The following SORCS1 variants were observed in gnomAD, a reference collection of about 807,000 sequenced individuals.
SORCS1 encodes sortilin related VPS10 domain containing receptor 1.
A neutral mutation model predicts 146.1 loss-of-function variants in SORCS1; 60 were observed. That is an observed-to-expected ratio of 0.41 (90% CI 0.33 to 0.51). The LOEUF is 0.51. SORCS1 is among the 20% of genes least tolerant of loss of function. The probability of loss-of-function intolerance (pLI) is 0.21; values close to 1 mark genes in which losing one functional copy is unlikely to be tolerated. For synonymous variants in SORCS1, 637 were observed against 584.0 expected, an observed-to-expected ratio of 1.09 and a Z score of -1.31; for missense variants, 1,352 against 1,487.6, an observed-to-expected ratio of 0.91 and a Z score of 1.50.
intron 1 of SORCS1, among the ~76,000 whole-genome samples, chr10:107,034,215 G>A (rs1332873140): frequency 6.6e-6 from 1 of 152,104 alleles, no homozygotes; most frequent in Non-Finnish European, 1.5e-5. Context: ...ACAAATGGTG[G>A]GGAGGGGTAG....
chr10:106,769,497 AAAAAG>A (rs1859839394), intron 4 of SORCS1, among the ~76,000 whole-genome samples: 1 of 151,890 alleles, frequency 6.6e-6, no homozygotes, highest in Non-Finnish European at 1.5e-5. Context: ...AAAAAAAAAA[AAAAAG>A]AAAGAAAGAA....
rs530959356 is a variant in SORCS1 at position 106,806,608 on chromosome 10, C to T, written c.726+22966G>A. On this transcript the variant is annotated intron_variant, in intron 3 of 25. Transcript: ENST00000263054. ...TCCGGTCACTGCAAGCTCTGCCTCC[C>T]GGGTTCACGCCATTCTCCTGCCTCA... Among the ~76,000 whole-genome samples, 171 of 146,598 alleles carry T rather than the reference C, an allele frequency of 1.2e-3. 1 individual carries two copies. Among genetic ancestry groups the T allele is most frequent in the African/African-American group, 4.0e-3 (160 of 39,720 alleles).
At chr10:106,715,416 T>C (rs1855293811) in intron 6 of SORCS1, among the ~76,000 whole-genome samples, 1 of 152,208 alleles carries the variant, frequency 6.6e-6, no homozygotes, top group African/African-American at 2.4e-5. Flanking sequence ...AAACCTGTGC[T>C]GTTCTAGAGA....
chr10:106,616,952 CTTTTT>C, intron 21 of SORCS1, among the ~76,000 whole-genome samples: 1 of 490 alleles, frequency 2.0e-3, no homozygotes, highest in South Asian at 0.083. Context: ...CTTGCTCTTT[CTTTTT>C]TTTTTTTTTC....
At chr10:107,119,956 G>T (rs960165418) in intron 1 of SORCS1, among the ~76,000 whole-genome samples, 2 of 152,004 alleles carry the variant, frequency 1.3e-5, no homozygotes, top group African/African-American at 4.8e-5. Flanking sequence ...CCACAAATCT[G>T]CCCTCACTTA....
At chr10:107,109,096 G>A (rs181591907) in intron 1 of SORCS1, among the ~76,000 whole-genome samples, 1 of 152,338 alleles carries the variant, frequency 6.6e-6, no homozygotes, top group East Asian at 1.9e-4. Flanking sequence ...CTCACAGTGT[G>A]TTGAGTGCCT....
At chr10:106,713,221 T>C (rs1226662711) in intron 6 of SORCS1, among the ~76,000 whole-genome samples, 2 of 152,224 alleles carry the variant, frequency 1.3e-5, no homozygotes, top group Admixed American at 1.3e-4. Context: ...GAGCTGTTGA[T>C]GGTACTGAGC....
intron 24 of SORCS1, among the ~76,000 whole-genome samples, chr10:106,593,385 C>T (rs957198849): frequency 3.9e-5 from 6 of 152,092 alleles, no homozygotes; most frequent in Non-Finnish European, 5.9e-5. Flanking sequence ...TTGCTGTTCC[C>T]GTTGACACGT....
chr10:106,655,992 T>C (rs1850254733), intron 17 of SORCS1, among the ~76,000 whole-genome samples: 1 of 152,222 alleles, frequency 6.6e-6, no homozygotes, highest in Non-Finnish European at 1.5e-5. Flanking sequence ...TGCATTTAGT[T>C]GGTAAAGCAT....
intron 1 of SORCS1, among the ~76,000 whole-genome samples, chr10:107,059,483 C>A (rs1380423188): frequency 6.6e-6 from 1 of 152,178 alleles, no homozygotes; most frequent in East Asian, 1.9e-4. Context: ...AGGCTCTATG[C>A]TGCCTGGTAA....
chr10:107,176,337 T>C, the SORCS1 span, among the ~76,000 whole-genome samples: 1 of 100,172 alleles, frequency 1.0e-5, no homozygotes, highest in African/African-American at 3.6e-5. Context: ...CTCTTTCTTT[T>C]TTTCTTTTTT....
intron 1 of SORCS1, among the ~76,000 whole-genome samples, chr10:107,127,914 T>A (rs773903082): frequency 6.6e-6 from 1 of 152,226 alleles, no homozygotes; most frequent in Admixed American, 6.5e-5. Context: ...CTTTGGCCAG[T>A]AATGTATCAT....
Position 106,833,609 on chromosome 10 carries a change from C to G in SORCS1, c.627-3936G>C, listed in dbSNP as rs553391105. On this transcript the variant is annotated intron_variant, in intron 2 of 25. Transcript: ENST00000263054. ...CCTCTCAAGTTTCCTCACAGTCTAGCAATCAAAAGATTGAGGCCTGGCACA... is the reference window on the plus strand; with the variant it reads ...CCTCTCAAGTTTCCTCACAGTCTAGGAATCAAAAGATTGAGGCCTGGCACA... 2.7e-4 allele frequency among the ~76,000 whole-genome samples: 41 copies of G among 152,214 alleles called. No homozygotes were observed. In the South Asian group the frequency reaches 4.6e-3, roughly 17 times the overall value.
chr10:106,601,726 A>T (rs1432900730), intron 23 of SORCS1, among the ~76,000 whole-genome samples: 2 of 152,240 alleles, frequency 1.3e-5, no homozygotes, highest in Non-Finnish European at 2.9e-5. Flanking sequence ...CTGTGGTCAC[A>T]CAGGGACACT....
chr10:106,981,113 A>G (rs1398307659), intron 1 of SORCS1, among the ~76,000 whole-genome samples: 1 of 152,190 alleles, frequency 6.6e-6, no homozygotes, highest in African/African-American at 2.4e-5. Context: ...CCAGGAGTGT[A>G]GTGTTATAGA....
chr10:106,903,483 T>C (rs1475659188), intron 2 of SORCS1, among the ~76,000 whole-genome samples: 2 of 152,220 alleles, frequency 1.3e-5, no homozygotes, highest in Non-Finnish European at 1.5e-5. Context: ...GACAATCCTA[T>C]TGTTACTTGG....
At chr10:106,976,135 A>G (rs1207130358) in intron 1 of SORCS1, among the ~76,000 whole-genome samples, 1 of 100,986 alleles carries the variant, frequency 9.9e-6, no homozygotes, top group Admixed American at 1.0e-4. Context: ...TCTGTCTCAA[A>G]AAAAAAAAAA....
intron 1 of SORCS1, among the ~76,000 whole-genome samples, chr10:107,029,044 C>G (rs777638330): frequency 6.6e-6 from 1 of 152,154 alleles, no homozygotes. Flanking sequence ...AACTATTAAA[C>G]CAACTGAAGC....
At chr10:106,730,479 C>T (rs1420966229) in intron 5 of SORCS1, among the ~76,000 whole-genome samples, 1 of 152,164 alleles carries the variant, frequency 6.6e-6, no homozygotes, top group Non-Finnish European at 1.5e-5. Context: ...AGCTGGGTGA[C>T]TTGATCAGCG....
Sources: gnomAD v4.1 joint callset for allele counts (sites outside exome capture counted in the v4.1 genomes callset) on GRCh38, gnomAD v4.1.1 for gene constraint, MANE v1.5 for transcripts, NCBI Gene and HGNC (gene_info 2026-07-23, HGNC 2026-07-21) for gene names.